The following BBX variants were observed in gnomAD, a reference collection of about 807,000 sequenced individuals.
The protein encoded by BBX is HMG box transcription factor BBX.
A neutral mutation model predicts 100.2 loss-of-function variants in BBX; 30 were observed. That is an observed-to-expected ratio of 0.30 (90% CI 0.22 to 0.41). The LOEUF (loss-of-function observed/expected upper bound fraction) is 0.41, where lower values mean the gene tolerates loss of function less well. Among genes scored for constraint, BBX ranks in the 10% least tolerant of loss-of-function variants. The probability of loss-of-function intolerance (pLI) is 1.00; values close to 1 mark genes in which losing one functional copy is unlikely to be tolerated. For missense variants in BBX, 1,023 were observed against 1,129.8 expected, an observed-to-expected ratio of 0.91 and a Z score of 1.35; for synonymous variants, 376 against 388.1, an observed-to-expected ratio of 0.97 and a Z score of 0.37.
At chr3:107,543,981 A>C (rs1413037806) in intron 2 of BBX, among the ~76,000 whole-genome samples, 1 of 152,238 alleles carries the variant, frequency 6.6e-6, no homozygotes, top group Non-Finnish European at 1.5e-5. Context: ...GACTGAATCC[A>C]TTTACATGTA....
intron 7 of BBX, among the ~76,000 whole-genome samples, chr3:107,738,144 T>A (rs1239081147): frequency 6.6e-6 from 1 of 151,986 alleles, no homozygotes; most frequent in Non-Finnish European, 1.5e-5. Flanking sequence ...CCTTCATGAT[T>A]TCTTGAGCCA....
intron 4 of BBX, among the ~76,000 whole-genome samples, chr3:107,711,036 A>G (rs1455402551): frequency 2.0e-5 from 3 of 152,130 alleles, no homozygotes; most frequent in Non-Finnish European, 4.4e-5. Flanking sequence ...CGTGGCCTTC[A>G]CAGCTTCTGG....
At chr3:107,688,644 C>G (rs1209437813) in intron 3 of BBX, among the ~76,000 whole-genome samples, 1 of 152,164 alleles carries the variant, frequency 6.6e-6, no homozygotes, top group Non-Finnish European at 1.5e-5. Flanking sequence ...ATTTGTTGCA[C>G]TCTATTACCT....
At chr3:107,801,719 G>A (rs1051578608) in intron 17 of BBX, among the ~76,000 whole-genome samples, 3 of 152,078 alleles carry the variant, frequency 2.0e-5, no homozygotes, top group Non-Finnish European at 1.5e-5. Flanking sequence ...TGTTATGTGG[G>A]GTAACTCTAG....
At chr3:107,794,562 C>T (rs1318221045) in intron 15 of BBX, among the ~76,000 whole-genome samples, 1 of 152,160 alleles carries the variant, frequency 6.6e-6, no homozygotes, top group East Asian at 1.9e-4. Context: ...ACACGATCCA[C>T]AGTGCCCAAT....
chr3:107,587,750 T>C (rs1293789110), intron 2 of BBX, among the ~76,000 whole-genome samples: 1 of 152,200 alleles, frequency 6.6e-6, no homozygotes, highest in Non-Finnish European at 1.5e-5. Context: ...ATTTGCAGGC[T>C]CGAGGCTCTT....
intron 2 of BBX, among the ~76,000 whole-genome samples, chr3:107,575,366 A>G (rs2051695543): frequency 6.6e-6 from 1 of 152,118 alleles, no homozygotes. Context: ...TTTTGTTGCC[A>G]GTGTTTATGG....
At chr3:107,646,307 G>T (rs561339723) in intron 3 of BBX, among the ~76,000 whole-genome samples, 2 of 152,140 alleles carry the variant, frequency 1.3e-5, no homozygotes, top group South Asian at 2.1e-4. Context: ...AATCAGTATC[G>T]AAGCATTATG....
intron 3 of BBX, among the ~76,000 whole-genome samples, chr3:107,670,482 A>G (rs1667464001): frequency 6.6e-6 from 1 of 152,086 alleles, no homozygotes; most frequent in Non-Finnish European, 1.5e-5. Flanking sequence ...TGCAATAATT[A>G]CCCTGATCTG....
intron 3 of BBX, among the ~76,000 whole-genome samples, chr3:107,696,965 T>A (rs892022133): frequency 1.3e-5 from 2 of 151,902 alleles, no homozygotes; most frequent in Admixed American, 6.5e-5. Context: ...CCATCACTGA[T>A]ACCCTTTCTT....
intron 10 of BBX, among the ~76,000 whole-genome samples, chr3:107,756,148 G>A (rs1050112333): frequency 1.1e-4 from 16 of 152,038 alleles, no homozygotes; most frequent in East Asian, 1.9e-4. Context: ...TTGATGTGAT[G>A]TGTGTAAAAT....
intron 10 of BBX, among the ~76,000 whole-genome samples, chr3:107,771,019 T>G (rs1203763810): frequency 6.6e-6 from 1 of 152,172 alleles, no homozygotes; most frequent in East Asian, 1.9e-4. Context: ...TTCCTACTCA[T>G]GTGCTTGATT....
chr3:107,567,378 G>T (rs939587289), intron 2 of BBX, among the ~76,000 whole-genome samples: 1 of 152,020 alleles, frequency 6.6e-6, no homozygotes, highest in Non-Finnish European at 1.5e-5. Flanking sequence ...TTGTCAAGTT[G>T]TGTTATGGGT....
chr3:107,572,284 G>A (rs558689806), intron 2 of BBX, among the ~76,000 whole-genome samples: 2 of 152,116 alleles, frequency 1.3e-5, no homozygotes, highest in Non-Finnish European at 2.9e-5. Context: ...AATTCCCAGC[G>A]AAAGACTTTG....
At chr3:107,774,656 C>G in intron 11 of BBX, 63 bp from the exon 12 acceptor site, 5 of 1,549,904 alleles carry the variant, frequency 3.2e-6, no homozygotes, top group South Asian at 1.2e-5. Flanking sequence ...CGTGAAGCAA[C>G]TAACATCATC....
At chr3:107,602,199 T>C (rs943473793) in intron 2 of BBX, among the ~76,000 whole-genome samples, 7 of 152,150 alleles carry the variant, frequency 4.6e-5, no homozygotes, top group African/African-American at 1.7e-4. Context: ...CTGATGGAGG[T>C]GTACAAGGAG....
At position 107,806,060 on chromosome 3, in the gene BBX, C is replaced by T. The variant is rs138143605; in HGVS notation, c.*603C>T. 7.9e-5 allele frequency: 12 copies of T among 151,344 alleles called. No homozygotes were observed. Among genetic ancestry groups the T allele is most frequent in the Admixed American group, 4.6e-4 (7 of 15,232 alleles). 9.4% of individuals were successfully genotyped at this position (151,344 alleles called of 1,614,324 possible). A position where few individuals can be genotyped will look rare whatever the true frequency, so the allele number is the denominator to read the frequency against. Reference sequence around the variant, plus strand: ...ATTGTTAGTGGTGTATGCTCGGCCTCGTGGTCCATATATTCTGCACTTTTA... The same window carrying T: ...ATTGTTAGTGGTGTATGCTCGGCCTTGTGGTCCATATATTCTGCACTTTTA... On this transcript the variant is annotated 3_prime_UTR_variant, in exon 18 of 18. Coordinates refer to ENST00000325805, the MANE Select transcript of BBX (RefSeq NM_001142568.3).
At chr3:107,748,165 A>T (rs2064779078) in intron 9 of BBX, 126 bp downstream of exon 9, 5 of 674,870 alleles carry the variant, frequency 7.4e-6, no homozygotes, top group Non-Finnish European at 1.2e-5. Context: ...CATAATACAC[A>T]TAACAGAATA....
chr3:107,568,983 G>A (rs2051141322), intron 2 of BBX, among the ~76,000 whole-genome samples: 2 of 152,190 alleles, frequency 1.3e-5, no homozygotes, highest in Non-Finnish European at 2.9e-5. Context: ...CTGTGTTGTG[G>A]CTGGTTACCT....
Sources: allele counts gnomAD v4.1 joint callset (sites outside exome capture counted in the v4.1 genomes callset), GRCh38; gene constraint gnomAD v4.1.1; transcripts MANE v1.5; gene names NCBI Gene and HGNC (gene_info 2026-07-23, HGNC 2026-07-21).